GRID2: variants seen among roughly 807,000 people sequenced by gnomAD.
The protein encoded by GRID2 is glutamate ionotropic receptor delta type subunit 2.
A neutral mutation model predicts 114.8 loss-of-function variants in GRID2; 33 were observed. The ratio of observed to expected loss-of-function variants is 0.29; its 90% confidence interval spans 0.22 to 0.38. The LOEUF is 0.38. Ranked by LOEUF, GRID2 falls within the 10% of genes least tolerant of loss-of-function variation. The probability of loss-of-function intolerance (pLI) is 1.00; values close to 1 mark genes in which losing one functional copy is unlikely to be tolerated. For missense variants in GRID2, 1,184 were observed against 1,257.7 expected, an observed-to-expected ratio of 0.94 and a Z score of 0.89; for synonymous variants, 505 against 449.9, an observed-to-expected ratio of 1.12 and a Z score of -1.55.
At chr4:93,766,121 C>T (rs929000704) in intron 14 of GRID2, among the ~76,000 whole-genome samples, 1 of 151,962 alleles carries the variant, frequency 6.6e-6, no homozygotes, top group African/African-American at 2.4e-5. Flanking sequence ...TACACACTCT[C>T]GAAAATGGAA....
intron 4 of GRID2, among the ~76,000 whole-genome samples, chr4:93,127,318 T>G (rs1734366658): frequency 2.6e-5 from 4 of 152,188 alleles, no homozygotes; most frequent in Admixed American, 2.6e-4. Context: ...GTTGTGGTCT[T>G]TGAACATGCC....
At chr4:93,045,431 T>C (rs1726037744) in intron 2 of GRID2, among the ~76,000 whole-genome samples, 1 of 152,136 alleles carries the variant, frequency 6.6e-6, no homozygotes, top group Admixed American at 6.6e-5. Flanking sequence ...TATGTATGTA[T>C]TAATTTATTT....
At chr4:93,075,021 G>A (rs957665697) in intron 2 of GRID2, among the ~76,000 whole-genome samples, 2 of 152,104 alleles carry the variant, frequency 1.3e-5, no homozygotes, top group African/African-American at 2.4e-5. Context: ...TCACTGGTGA[G>A]TTCTACCAGA....
intron 2 of GRID2, among the ~76,000 whole-genome samples, chr4:92,948,643 T>C (rs1027580299): frequency 1.3e-5 from 2 of 152,006 alleles, no homozygotes; most frequent in Admixed American, 1.3e-4. Flanking sequence ...AATATATGAA[T>C]GTTATATTGC....
intron 1 of GRID2, among the ~76,000 whole-genome samples, chr4:92,376,395 G>T (rs1041116060): frequency 2.6e-5 from 4 of 152,116 alleles, no homozygotes; most frequent in African/African-American, 9.7e-5. Context: ...GGTTCCTATG[G>T]TCTTAGGCAG....
At chr4:93,569,798 A>G (rs1047701739) in intron 13 of GRID2, among the ~76,000 whole-genome samples, 1 of 152,128 alleles carries the variant, frequency 6.6e-6, no homozygotes, top group Non-Finnish European at 1.5e-5. Context: ...CTGTTCTCTC[A>G]GATTTTCTCA....
At chr4:92,611,769 C>T (rs533351045) in intron 2 of GRID2, among the ~76,000 whole-genome samples, 2 of 151,554 alleles carry the variant, frequency 1.3e-5, no homozygotes, top group South Asian at 4.2e-4. Context: ...CATTGAGTAT[C>T]TTTTTACTGA....
intron 2 of GRID2, among the ~76,000 whole-genome samples, chr4:92,919,284 T>G (rs1026651414): frequency 2.0e-5 from 3 of 152,062 alleles, no homozygotes; most frequent in Non-Finnish European, 2.9e-5. Context: ...CAATTTTGTT[T>G]ATCATTTCAA....
At position 92,682,604 on chromosome 4, in the gene GRID2, G is replaced by A. The variant is rs191630662; in HGVS notation, c.244+92318G>A. 6.5e-4 allele frequency among the ~76,000 whole-genome samples: 98 copies of A among 151,936 alleles called. No individual in the cohort carries two copies. In the Middle Eastern group the frequency reaches 0.01, roughly 16 times the overall value. Reference sequence around the variant, plus strand: ...TGTTATTGGTGAACGATTTCTTTCTGAGAAGAGACACCCAGGGGCAATCAG... The same window carrying A: ...TGTTATTGGTGAACGATTTCTTTCTAAGAAGAGACACCCAGGGGCAATCAG... On this transcript the variant is annotated intron_variant, in intron 2 of 15. Transcript: ENST00000282020.
At chr4:93,477,415 C>T (rs887599786) in intron 11 of GRID2, among the ~76,000 whole-genome samples, 1 of 152,050 alleles carries the variant, frequency 6.6e-6, no homozygotes. Flanking sequence ...CTTTGATTAT[C>T]CATTAATATT....
In GRID2 at chr4:93,727,926, C is replaced by A. The variant is rs556276954; in HGVS notation, c.2361-41284C>A. ...AGTCTATCAATTTTGTTGATCCTTT[C>A]AAAAAACCAGCTTCTGGATTCATTA... On this transcript the variant is annotated intron_variant, in intron 14 of 15. Transcript: ENST00000282020. 2.5e-3 allele frequency among the ~76,000 whole-genome samples: 375 copies of A among 152,172 alleles called. 2 individuals carry two copies. The highest frequency in any genetic ancestry group is 6.8e-3 in the South Asian group (33 of 4,828).
intron 13 of GRID2, among the ~76,000 whole-genome samples, chr4:93,585,200 G>T (rs1007337823): frequency 6.6e-6 from 1 of 151,998 alleles, no homozygotes; most frequent in African/African-American, 2.4e-5. Flanking sequence ...GATCATACTG[G>T]CAAACCTGTG....
intron 10 of GRID2, among the ~76,000 whole-genome samples, chr4:93,438,836 C>T (rs1721351882): frequency 6.6e-6 from 1 of 151,608 alleles, no homozygotes. Flanking sequence ...TCCCCCCATC[C>T]CCCACCCCAC....
intron 2 of GRID2, among the ~76,000 whole-genome samples, chr4:92,741,019 T>C (rs998263608): frequency 1.3e-5 from 2 of 152,132 alleles, no homozygotes; most frequent in African/African-American, 4.8e-5. Context: ...ACTGGGATTA[T>C]AGGCATGAGT....
intron 9 of GRID2, among the ~76,000 whole-genome samples, chr4:93,401,625 A>G (rs746079634): frequency 2.0e-5 from 3 of 152,200 alleles, no homozygotes; most frequent in Non-Finnish European, 4.4e-5. Flanking sequence ...GAAATATACC[A>G]ATTAGAAAAC....
At chr4:93,092,308 G>C (rs934460147) in intron 3 of GRID2, among the ~76,000 whole-genome samples, 1 of 152,060 alleles carries the variant, frequency 6.6e-6, no homozygotes, top group Non-Finnish European at 1.5e-5. Flanking sequence ...TTCTAAAGTA[G>C]TGTCTACATC....
At chr4:93,420,612 T>G (rs1261419438) in intron 9 of GRID2, among the ~76,000 whole-genome samples, 1 of 152,066 alleles carries the variant, frequency 6.6e-6, no homozygotes, top group Non-Finnish European at 1.5e-5. Flanking sequence ...TCTGAAAACC[T>G]CTCATCTACT....
chr4:93,123,371 C>T (rs1472767755), intron 4 of GRID2, among the ~76,000 whole-genome samples: 2 of 151,954 alleles, frequency 1.3e-5, no homozygotes, highest in Non-Finnish European at 2.9e-5. Flanking sequence ...ACAATTGTAC[C>T]ATTATTTTAA....
intron 4 of GRID2, among the ~76,000 whole-genome samples, chr4:93,182,508 T>C (rs1282661006): frequency 1.3e-5 from 2 of 152,196 alleles, no homozygotes; most frequent in Non-Finnish European, 2.9e-5. Context: ...CAACTCCTAA[T>C]TAATATTAGA....
Sources: allele counts gnomAD v4.1 joint callset (sites outside exome capture counted in the v4.1 genomes callset), GRCh38; gene constraint gnomAD v4.1.1; transcripts MANE v1.5; gene names NCBI Gene and HGNC (gene_info 2026-07-23, HGNC 2026-07-21).